Variants in ATP10B observed in about 807,000 individuals in gnomAD.
ATP10B encodes ATPase phospholipid transporting 10B (putative).
ATP10B carries 122 observed loss-of-function variants against 141.2 expected under a neutral mutation model. The observed-to-expected ratio is 0.86, with a 90% CI of 0.75 to 1.00. ATP10B has a LOEUF of 1.00. ATP10B is among the 50% of genes least tolerant of loss of function. The probability of loss-of-function intolerance (pLI) is 0.00; values close to 1 mark genes in which losing one functional copy is unlikely to be tolerated. For synonymous variants in ATP10B, 685 were observed against 692.0 expected (o/e 0.99, Z 0.16); for missense variants, 1,876 against 1,825.3 (o/e 1.03, Z -0.51).
rs116435290 is a variant in ATP10B at position 160,840,348 on chromosome 5, A to G, written c.-576+11593T>C. Among the ~76,000 whole-genome samples the G allele has an allele frequency of 2.0e-3, 302 of 152,134 alleles. 1 individual carries two copies. Among genetic ancestry groups the G allele is most frequent in the South Asian group, 8.5e-3 (41 of 4,830 alleles). On this transcript the variant is annotated intron_variant, in intron 1 of 25. Transcript: ENST00000327245. ...TAGTCCTATTAACACTGTAAAGACT[A>G]TAATTAAAATAGTGTGGTAGTGGCT... is the stretch of plus-strand genomic sequence containing the variant.
chr5:160,568,367 C>A (rs1365740760), intron 25 of ATP10B, among the ~76,000 whole-genome samples: 1 of 152,180 alleles, frequency 6.6e-6, no homozygotes, highest in African/African-American at 2.4e-5. Context: ...ACAAGAGAAA[C>A]TAGGTTAAGC....
chr5:160,836,388 T>A (rs750843165), intron 1 of ATP10B, among the ~76,000 whole-genome samples: 8 of 152,146 alleles, frequency 5.3e-5, no homozygotes, highest in Non-Finnish European at 1.0e-4. Context: ...AACCTAGTGC[T>A]GACTGAATTA....
intron 1 of ATP10B, among the ~76,000 whole-genome samples, chr5:160,831,026 A>G (rs1775041059): frequency 6.6e-6 from 1 of 151,670 alleles, no homozygotes; most frequent in African/African-American, 2.4e-5. Flanking sequence ...GTAGTGGTTA[A>G]AGACAGACTT....
chr5:160,693,205 A>C (rs924146149), intron 3 of ATP10B, among the ~76,000 whole-genome samples: 1 of 152,204 alleles, frequency 6.6e-6, no homozygotes, highest in Admixed American at 6.5e-5. Flanking sequence ...AGAGGAAGAT[A>C]AAATAGGTAT....
chr5:160,734,445 G>C (rs1766969486), intron 2 of ATP10B, among the ~76,000 whole-genome samples: 1 of 151,974 alleles, frequency 6.6e-6, no homozygotes, highest in Non-Finnish European at 1.5e-5. Flanking sequence ...ATAGAACAAA[G>C]TATAGAAGAG....
chr5:160,766,304 T>C (rs1769405069), intron 2 of ATP10B, among the ~76,000 whole-genome samples: 1 of 147,776 alleles, frequency 6.8e-6, no homozygotes, highest in African/African-American at 2.5e-5. Flanking sequence ...GGAACCAGCC[T>C]AAATGTCCAC....
chr5:160,872,775 C>G, the ATP10B span, among the ~76,000 whole-genome samples: 1 of 152,068 alleles, frequency 6.6e-6, no homozygotes, highest in East Asian at 1.9e-4. Flanking sequence ...TTGGTGACTA[C>G]GGCCTTAGAG....
intron 1 of ATP10B, among the ~76,000 whole-genome samples, chr5:160,816,323 A>T (rs1172605911): frequency 4.6e-5 from 7 of 152,058 alleles, no homozygotes; most frequent in Non-Finnish European, 8.8e-5. Flanking sequence ...AGGGGATATC[A>T]CCACCAATCC....
At chr5:160,728,835 T>TCAGAATG (rs1426486905) in intron 2 of ATP10B, among the ~76,000 whole-genome samples, 1 of 152,230 alleles carries the variant, frequency 6.6e-6, no homozygotes, top group Non-Finnish European at 1.5e-5. Context: ...TTTTCATCTC[T>TCAGAATG]TTTTGTTTGA....
Position 160,569,487 on chromosome 5 carries a change from T to G in ATP10B, c.3938+9A>C. ...TTTTAGGAAAGAAACACAGCCCTAG[T>G]GCTCAAACCTTGGGAGAAGAGCAAC... On this transcript the variant is annotated intron_variant, in intron 25 of 25. Transcript: ENST00000327245. 2 of 1,613,570 alleles carry G rather than the reference T, an allele frequency of 1.2e-6. No individual in the cohort carries two copies. Among genetic ancestry groups the G allele is most frequent in the Non-Finnish European group, 1.7e-6 (2 of 1,179,672 alleles).
chr5:160,632,164 T>C lies in ATP10B; in HGVS notation c.1585A>G (p.Ser529Gly), dbSNP rs1224094282. Residue 529 changes from serine to glycine, a missense_variant, in exon 13 of 26, where the codon AGC (serine) becomes GGC (glycine). Ser to Gly is a moderately conservative substitution (Grantham distance 56). Transcript: ENST00000327245. ...CTGAAGGCCACAGGAGGCTGTGAGCTTTCACGGTGCCCCATAGACCTTTGC... is the reference window on the plus strand; with the variant it reads ...CTGAAGGCCACAGGAGGCTGTGAGCCTTCACGGTGCCCCATAGACCTTTGC... ...YRQRSMGHRE[S>G]SQPPVAFSSS... is the part of the protein sequence containing the mutation. The C allele has an allele frequency of 5.6e-6, 9 of 1,614,104 alleles. No homozygotes were observed. Among genetic ancestry groups the C allele is most frequent in the Non-Finnish European group, 7.6e-6 (9 of 1,179,962 alleles).
At chr5:160,826,834 T>A (rs1774640629) in intron 1 of ATP10B, among the ~76,000 whole-genome samples, 1 of 152,120 alleles carries the variant, frequency 6.6e-6, no homozygotes, top group Non-Finnish European at 1.5e-5. Flanking sequence ...TATGCCCTGG[T>A]CTCCTGCAGT....
chr5:160,793,530 G>T (rs1771739010), intron 1 of ATP10B, among the ~76,000 whole-genome samples: 1 of 152,210 alleles, frequency 6.6e-6, no homozygotes, highest in Non-Finnish European at 1.5e-5. Context: ...AATGGATCGT[G>T]TATGCGATGG....
At chr5:160,635,371 G>A (rs1274855361) in intron 11 of ATP10B, among the ~76,000 whole-genome samples, 1 of 152,084 alleles carries the variant, frequency 6.6e-6, no homozygotes, top group Non-Finnish European at 1.5e-5. Context: ...GCGAGGGGAG[G>A]TCAGGGAGGG....
the ATP10B span, among the ~76,000 whole-genome samples, chr5:160,876,519 A>T: frequency 6.8e-6 from 1 of 147,530 alleles, no homozygotes; most frequent in Non-Finnish European, 1.5e-5. Context: ...AGCAGAAGGC[A>T]AGAAATAACT....
At chr5:160,904,587 A>C in the ATP10B span, among the ~76,000 whole-genome samples, 1 of 152,218 alleles carries the variant, frequency 6.6e-6, no homozygotes, top group Non-Finnish European at 1.5e-5. Context: ...CTTGCAATAC[A>C]TATTTTAGGC....
chr5:160,805,670 C>T (rs1251672619), intron 1 of ATP10B, among the ~76,000 whole-genome samples: 1 of 152,096 alleles, frequency 6.6e-6, no homozygotes, highest in Non-Finnish European at 1.5e-5. Flanking sequence ...CACTTAAGAG[C>T]ATTTACACGG....
chr5:160,611,179 G>A (rs559406472), intron 18 of ATP10B, among the ~76,000 whole-genome samples: 56 of 152,280 alleles, frequency 3.7e-4, no homozygotes, highest in African/African-American at 1.3e-3. Context: ...TGTCCTGGAA[G>A]ATACTGGACA....
chr5:160,598,238 G>C (rs1756854882), intron 22 of ATP10B, among the ~76,000 whole-genome samples: 1 of 151,806 alleles, frequency 6.6e-6, no homozygotes, highest in Non-Finnish European at 1.5e-5. Flanking sequence ...TCTTTTGTAG[G>C]GACATGGATG....
Sources: gnomAD v4.1 joint callset for allele counts (sites outside exome capture counted in the v4.1 genomes callset) on GRCh38, gnomAD v4.1.1 for gene constraint, MANE v1.5 for transcripts, NCBI Gene and HGNC (gene_info 2026-07-23, HGNC 2026-07-21) for gene names.